VDAC3: variants seen among roughly 807,000 people sequenced by gnomAD.
VDAC3 encodes voltage dependent anion channel 3.
Under a neutral mutation model 33.9 loss-of-function variants are expected in VDAC3, and 7 were observed. That is an observed-to-expected ratio of 0.21 (90% CI 0.12 to 0.39). The LOEUF (loss-of-function observed/expected upper bound fraction) is 0.39. Among genes scored for constraint, VDAC3 ranks in the 10% least tolerant of loss-of-function variants. The pLI, the probability that VDAC3 is intolerant of heterozygous loss-of-function variation, is 1.00. For missense variants in VDAC3, 261 were observed against 334.5 expected, an observed-to-expected ratio of 0.78 and a Z score of 1.71; for synonymous variants, 100 against 122.4, an observed-to-expected ratio of 0.82 and a Z score of 1.21.
At chr8:42,394,382 TCCAC>T in intron 3 of VDAC3, 104 bp downstream of exon 3, 1 of 998,034 alleles carries the variant, frequency 1.0e-6, no homozygotes, top group Non-Finnish European at 1.5e-6. Context: ...TCAGCATTAT[TCCAC>T]TTCACAAGAT....
At chr8:42,395,258 G>A (rs1019240308) in intron 4 of VDAC3, 125 bp downstream of exon 4, 3 of 1,398,154 alleles carry the variant, frequency 2.1e-6, no homozygotes, top group Non-Finnish European at 2.9e-6. Flanking sequence ...TGTCCTCTCA[G>A]ATTTTAAACA....
intron 9 of VDAC3, 149 bp downstream of exon 9, chr8:42,405,073 C>T: frequency 2.6e-6 from 2 of 769,838 alleles, no homozygotes; most frequent in South Asian, 1.8e-5. Context: ...CAATACAGAT[C>T]AAATACTTTT....
chr8:42,404,285 G>A (rs897408740), intron 8 of VDAC3, among the ~76,000 whole-genome samples: 7 of 152,192 alleles, frequency 4.6e-5, no homozygotes, highest in African/African-American at 1.4e-4. Context: ...CCAAGTTCAT[G>A]CCGTAACCAC....
intron 1 of VDAC3, among the ~76,000 whole-genome samples, chr8:42,392,180 C>T (rs932032842): frequency 6.6e-6 from 1 of 152,214 alleles, no homozygotes; most frequent in Non-Finnish European, 1.5e-5. Context: ...GTGTGGACCG[C>T]ACTTTCCTCC....
intron 8 of VDAC3, among the ~76,000 whole-genome samples, chr8:42,403,868 A>G (rs1362366547): frequency 7.0e-6 from 1 of 143,648 alleles, no homozygotes; most frequent in Non-Finnish European, 1.5e-5. Flanking sequence ...ACAGAGCGAG[A>G]GCCTATCTCA....
chr8:42,399,748 A>AAGGGT, intron 6 of VDAC3, 45 bp downstream of exon 6: 1 of 1,565,860 alleles, frequency 6.4e-7, no homozygotes, highest in Non-Finnish European at 8.8e-7. Flanking sequence ...TGGAGCCTGA[A>AAGGGT]AGGGTAGAGA....
chr8:42,401,678 A>C (rs1415164085), intron 6 of VDAC3, 110 bp from the exon 7 acceptor site: 2 of 953,150 alleles, frequency 2.1e-6, no homozygotes, highest in Non-Finnish European at 3.2e-6. Flanking sequence ...GTACCAAAAT[A>C]ATATTTACAT....
chr8:42,392,831 C>A (rs1824893982), intron 1 of VDAC3, among the ~76,000 whole-genome samples: 1 of 152,218 alleles, frequency 6.6e-6, no homozygotes, highest in Admixed American at 6.5e-5. Context: ...TCTATACTTA[C>A]TTCCCAAATT....
chr8:42,396,505 T>C (rs1802320749), intron 4 of VDAC3, among the ~76,000 whole-genome samples: 1 of 152,202 alleles, frequency 6.6e-6, no homozygotes, highest in South Asian at 2.1e-4. Flanking sequence ...TAAATATATA[T>C]GCACCTCCCT....
intron 4 of VDAC3, chr8:42,396,557 G>C: frequency 1.5e-6 from 1 of 647,006 alleles, no homozygotes; most frequent in Non-Finnish European, 2.7e-6. Flanking sequence ...TGTTAAAATA[G>C]AAGAATCATT....
chr8:42,392,322 G>A (rs966515768), intron 1 of VDAC3, among the ~76,000 whole-genome samples: 2 of 152,234 alleles, frequency 1.3e-5, no homozygotes, highest in African/African-American at 4.8e-5. Context: ...AAACGGAGAA[G>A]CGAGGAACGA....
At position 42,401,866 on chromosome 8, in the gene VDAC3, T is replaced by C; in HGVS notation, c.402T>C (p.Ser134=). Residue 134 remains serine (S), a synonymous_variant, in exon 7 of 10, where the codon TCT becomes TCC. Transcript: ENST00000022615. ...SVGSNVDIDF[S]GPTIYGWAVL... Reference sequence around the variant, plus strand: ...GCAGTAATGTTGATATAGATTTTTCTGGACCAACCATCTATGGCTGGGCTG... The same window carrying C: ...GCAGTAATGTTGATATAGATTTTTCCGGACCAACCATCTATGGCTGGGCTG... The C allele has an allele frequency of 6.2e-7, 1 of 1,614,260 alleles. No individual in the cohort carries two copies.
chr8:42,401,222 G>A lies in VDAC3; in HGVS notation c.324-566G>A, dbSNP rs535489552. ...TCATTCTTTTTTTTTCTTTTGAGAC[G>A]AGTCTCGCTCTGTCGCCAGGCTGGA... On this transcript the variant is annotated intron_variant, in intron 6 of 9. Transcript: ENST00000022615. Among the ~76,000 whole-genome samples, 4 of 151,834 alleles carry A rather than the reference G, an allele frequency of 2.6e-5. No individual in the cohort carries two copies. The South Asian group carries it at 8.3e-4, about 32-fold the overall frequency.
intron 8 of VDAC3, among the ~76,000 whole-genome samples, chr8:42,403,803 CAGATGGAGAGGTTGCAGTG>C (rs1345433036): frequency 2.0e-5 from 3 of 149,120 alleles, no homozygotes; most frequent in African/African-American, 7.5e-5. Context: ...TTGAACCCTG[CAGATGGAGAGGTTGCAGTG>C]AGCCAAGATC....
intron 8 of VDAC3, 112 bp from the exon 9 acceptor site, chr8:42,404,755 G>A: frequency 6.4e-6 from 4 of 623,850 alleles, no homozygotes; most frequent in South Asian, 2.8e-5. Context: ...AGTAATTCTA[G>A]ATTGGCCCTA....
chr8:42,393,891 T>G lies in VDAC3; in HGVS notation c.-3+7T>G, dbSNP rs1313305872. 4.7e-6 allele frequency: 2 copies of G among 428,596 alleles called. No individual in the cohort carries two copies. The highest frequency in any genetic ancestry group is 2.0e-5 in the African/African-American group (1 of 48,978). 26.5% of individuals were successfully genotyped at this position (428,596 alleles called of 1,614,324 possible). On this transcript the variant is annotated splice_region_variant and intron_variant, in intron 2 of 9. Coordinates refer to ENST00000022615, the MANE Select transcript of VDAC3 (RefSeq NM_005662.7). ...TGAGAGAGATTTTTCTAAGGTAAAT[T>G]TTGCATATATTTTTAAAAGAAGTCC...
intron 7 of VDAC3, 47 bp from the exon 8 acceptor site, chr8:42,403,264 A>C: frequency 6.2e-7 from 1 of 1,601,680 alleles, no homozygotes; most frequent in Non-Finnish European, 8.5e-7. Context: ...CATAATAACA[A>C]TGGTACAAAC....
At chr8:42,394,495 T>C (rs567832192) in intron 3 of VDAC3, among the ~76,000 whole-genome samples, 1 of 152,314 alleles carries the variant, frequency 6.6e-6, no homozygotes, top group South Asian at 2.1e-4. Flanking sequence ...CAGATGCATA[T>C]ACATGTCCAT....
Position 42,405,923 on chromosome 8 carries a change from G to A in VDAC3, c.*461G>A, listed in dbSNP as rs1802494754. The A allele has an allele frequency of 6.5e-6, 1 of 152,878 alleles. No homozygotes were observed. The highest frequency in any genetic ancestry group is 2.1e-4 in the South Asian group (1 of 4,878). The allele number at this position is 152,878 out of a possible 1,614,324, so 9.5% of individuals were successfully genotyped here. On this transcript the variant is annotated 3_prime_UTR_variant, in exon 10 of 10. Transcript: ENST00000022615. ...CTGCTCATGTGACTTGCTGGTGATGGTTTTCTTACCTTGATGTGATTTGTT... is the reference window on the plus strand; with the variant it reads ...CTGCTCATGTGACTTGCTGGTGATGATTTTCTTACCTTGATGTGATTTGTT...
Sources: gnomAD v4.1 joint callset for allele counts (sites outside exome capture counted in the v4.1 genomes callset) on GRCh38, gnomAD v4.1.1 for gene constraint, MANE v1.5 for transcripts, NCBI Gene and HGNC (gene_info 2026-07-23, HGNC 2026-07-21) for gene names.